The following LGSN variants were observed in gnomAD, a reference collection of about 807,000 sequenced individuals.
LGSN encodes the protein lengsin.
A neutral mutation model predicts 19.5 loss-of-function variants in LGSN; 21 were observed. The ratio of observed to expected loss-of-function variants is 1.07; its 90% CI spans 0.76 to 1.55. The LOEUF (loss-of-function observed/expected upper bound fraction) is 1.55, where lower values mean the gene tolerates loss of function less well. Ranked by LOEUF, LGSN falls within the 40% of genes most tolerant of loss-of-function variation. The pLI is 0.00. For missense variants in LGSN, 673 were observed against 608.5 expected (o/e 1.11, Z -1.12); for synonymous variants, 257 against 215.6 (o/e 1.19, Z -1.68).
chr6:63,461,615 G>C, the LGSN span, among the ~76,000 whole-genome samples: 3 of 152,176 alleles, frequency 2.0e-5, no homozygotes, highest in Non-Finnish European at 4.4e-5. Flanking sequence ...CTCCAGAAGA[G>C]ATATGCTGCA....
the LGSN span, among the ~76,000 whole-genome samples, chr6:63,348,260 C>A: frequency 6.6e-6 from 1 of 152,080 alleles, no homozygotes; most frequent in South Asian, 2.1e-4. Flanking sequence ...TCGAGACCAG[C>A]CTGGTCAACA....
the LGSN span, among the ~76,000 whole-genome samples, chr6:63,387,921 A>G: frequency 3.9e-5 from 6 of 152,088 alleles, no homozygotes; most frequent in Non-Finnish European, 8.8e-5. Flanking sequence ...GCTGGAGTGC[A>G]GTGGCACAAT....
chr6:63,358,941 T>A, the LGSN span, among the ~76,000 whole-genome samples: 1 of 152,164 alleles, frequency 6.6e-6, no homozygotes, highest in Non-Finnish European at 1.5e-5. Context: ...CCAGTTTTTG[T>A]CCATTCAGTA....
At chr6:63,416,125 C>CTTTTTTTTTT in the LGSN span, among the ~76,000 whole-genome samples, 1 of 136,280 alleles carries the variant, frequency 7.3e-6, no homozygotes. Flanking sequence ...TTTTTTTTTG[C>CTTTTTTTTTT]TTTTTTTTTT....
the LGSN span, chr6:63,441,238 C>T: frequency 1.8e-5 from 6 of 336,764 alleles, no homozygotes; most frequent in African/African-American, 2.2e-5. Flanking sequence ...ATTCTCCCGT[C>T]GGATTTCTGT....
At chr6:63,440,434 C>T in the LGSN span, among the ~76,000 whole-genome samples, 1 of 152,102 alleles carries the variant, frequency 6.6e-6, no homozygotes, top group African/African-American at 2.4e-5. Flanking sequence ...CTTTTTTTCT[C>T]TTCACCGAAT....
At chr6:63,470,914 C>A in the LGSN span, among the ~76,000 whole-genome samples, 2 of 149,080 alleles carry the variant, frequency 1.3e-5, no homozygotes, top group African/African-American at 4.9e-5. Context: ...ATCTTAAATG[C>A]AGCTCAGATT....
chr6:63,488,245 G>C, the LGSN span, among the ~76,000 whole-genome samples: 1 of 152,126 alleles, frequency 6.6e-6, no homozygotes, highest in Non-Finnish European at 1.5e-5. Context: ...ACCTACTACT[G>C]TGTTAAGTGC....
At chr6:63,495,375 G>T in the LGSN span, among the ~76,000 whole-genome samples, 1 of 151,726 alleles carries the variant, frequency 6.6e-6, no homozygotes, top group Admixed American at 6.6e-5. Flanking sequence ...TTCTGCCCCC[G>T]GAGCCTATGC....
the LGSN span, among the ~76,000 whole-genome samples, chr6:63,426,762 G>A: frequency 1.3e-5 from 2 of 151,950 alleles, no homozygotes; most frequent in Admixed American, 6.6e-5. Flanking sequence ...TAATCAACCT[G>A]CCTTGGCCTC....
At chr6:63,438,917 T>C in the LGSN span, among the ~76,000 whole-genome samples, 2 of 152,292 alleles carry the variant, frequency 1.3e-5, no homozygotes, top group Non-Finnish European at 2.9e-5. Flanking sequence ...ATGTTTATTG[T>C]GGCATTATTC....
chr6:63,519,079 C>T, the LGSN span, among the ~76,000 whole-genome samples: 1 of 152,144 alleles, frequency 6.6e-6, no homozygotes, highest in Non-Finnish European at 1.5e-5. Context: ...CTTTGAGAGG[C>T]CAAGGCGGGC....
chr6:63,529,292 T>G, the LGSN span, among the ~76,000 whole-genome samples: 733 of 151,308 alleles, frequency 4.8e-3, 4 homozygotes, highest in African/African-American at 0.017. Context: ...AAATAATACC[T>G]AGTCTTTCTC....
chr6:63,511,585 G>A, the LGSN span, among the ~76,000 whole-genome samples: 1 of 152,114 alleles, frequency 6.6e-6, no homozygotes, highest in South Asian at 2.1e-4. Context: ...GTAGCTTTGA[G>A]AATTTGAAAT....
At chr6:63,340,009 T>C in the LGSN span, among the ~76,000 whole-genome samples, 1 of 152,086 alleles carries the variant, frequency 6.6e-6, no homozygotes, top group Non-Finnish European at 1.5e-5. Context: ...CCTCATTTTC[T>C]GAAAAAAAGA....
the LGSN span, among the ~76,000 whole-genome samples, chr6:63,467,048 A>C: frequency 6.6e-6 from 1 of 152,170 alleles, no homozygotes; most frequent in Non-Finnish European, 1.5e-5. Flanking sequence ...CATAGAAAAA[A>C]ATTCAGGTCG....
intron 1 of LGSN, among the ~76,000 whole-genome samples, chr6:63,299,871 GT>G (rs1294125692): frequency 6.6e-6 from 1 of 152,048 alleles, no homozygotes; most frequent in African/African-American, 2.4e-5. Flanking sequence ...GGTTTATGCT[GT>G]TTTTGCTATA....
chr6:63,456,346 AATATACATATATATATAT>A, the LGSN span, among the ~76,000 whole-genome samples: 459 of 100,492 alleles, frequency 4.6e-3, 24 homozygotes, highest in South Asian at 0.019. Flanking sequence ...ACTTGGCAGA[AATATACATATATATATAT>A]ATATATATAT....
At chr6:63,300,209 C>T (rs1342109053) in intron 1 of LGSN, among the ~76,000 whole-genome samples, 3 of 152,174 alleles carry the variant, frequency 2.0e-5, no homozygotes, top group Non-Finnish European at 4.4e-5. Flanking sequence ...CTTTTCATAG[C>T]TCTGTCCTCA....
Sources: allele counts gnomAD v4.1 joint callset (sites outside exome capture counted in the v4.1 genomes callset), GRCh38; gene constraint gnomAD v4.1.1; transcripts MANE v1.5; gene names NCBI Gene and HGNC (gene_info 2026-07-23, HGNC 2026-07-21).